POU2F2: variants seen among roughly 807,000 people sequenced by gnomAD.
POU2F2 encodes POU class 2 homeobox 2.
POU2F2 carries 14 observed loss-of-function variants against 63.5 expected under a neutral mutation model. The observed-to-expected ratio is 0.22, with a 90% confidence interval of 0.15 to 0.34. The LOEUF is 0.34. Among genes scored for constraint, POU2F2 ranks in the 10% least tolerant of loss-of-function variants. POU2F2 has a pLI of 1.00. For missense variants in POU2F2, 607 were observed against 815.2 expected (o/e 0.74, Z 3.11); for synonymous variants, 306 against 348.6 (o/e 0.88, Z 1.36).
At chr19:42,171,468 G>A (rs1234099413) in intron 1 of POU2F2, among the ~76,000 whole-genome samples, 1 of 148,900 alleles carries the variant, frequency 6.7e-6, no homozygotes, top group African/African-American at 2.5e-5. Flanking sequence ...GTGTGTGTGT[G>A]TGCACTTTAA....
rs1258309486 is a variant in POU2F2 at position 42,117,187 on chromosome 19, C to A, written c.369+63G>T. The A allele has an allele frequency of 7.9e-7, 1 of 1,272,080 alleles. No individual in the cohort carries two copies. The highest frequency in any genetic ancestry group is 1.6e-5 in the South Asian group (1 of 63,554). The allele number at this position is 1,272,080 out of a possible 1,614,324, so 78.8% of individuals were successfully genotyped here. On this transcript the variant is annotated intron_variant, in intron 5 of 14. Transcript: ENST00000692977. The surrounding 1 kb of genome is among the most constrained non-coding windows in gnomAD (Gnocchi z 4.4). Reference sequence around the variant, plus strand: ...CTTGGTGGAACAGTTCATCCACTAGCCCTGTAACAGATGAGGGGTGGCTGG... The same window carrying A: ...CTTGGTGGAACAGTTCATCCACTAGACCTGTAACAGATGAGGGGTGGCTGG...
intron 1 of POU2F2, among the ~76,000 whole-genome samples, chr19:42,165,854 G>C (rs1445975535): frequency 6.6e-6 from 1 of 152,214 alleles, no homozygotes; most frequent in African/African-American, 2.4e-5. Context: ...GTAAGTGAAG[G>C]TGGTGGGTAG....
intron 2 of POU2F2, among the ~76,000 whole-genome samples, chr19:42,145,965 G>A (rs1290161641): frequency 6.7e-6 from 1 of 150,320 alleles, no homozygotes. Flanking sequence ...CCCAGGAGGT[G>A]GAGCTTGCAA....
chr19:42,103,451 G>A (rs2077216679), intron 5 of POU2F2, among the ~76,000 whole-genome samples: 1 of 152,134 alleles, frequency 6.6e-6, no homozygotes, highest in African/African-American at 2.4e-5. Context: ...CAAATTTTAT[G>A]TAAAGTTGAA....
chr19:42,124,312 A>G (rs2032979259), intron 1 of POU2F2, among the ~76,000 whole-genome samples: 1 of 151,840 alleles, frequency 6.6e-6, no homozygotes, highest in Non-Finnish European at 1.5e-5. Context: ...TCAAAAAAAA[A>G]AAAAAAGAAA....
At chr19:42,149,447 G>A (rs2034297618) in intron 2 of POU2F2, among the ~76,000 whole-genome samples, 1 of 152,108 alleles carries the variant, frequency 6.6e-6, no homozygotes, top group Admixed American at 6.5e-5. Context: ...AGGGATGTGG[G>A]GCGCAGGCAG....
chr19:42,132,468 G>C, upstream of POU2F2: 1 of 1,407,970 alleles, frequency 7.1e-7, no homozygotes, highest in Non-Finnish European at 9.3e-7. Context: ...ACCCTCTCTG[G>C]GGGCCGAGCC....
intron 1 of POU2F2, among the ~76,000 whole-genome samples, chr19:42,193,089 G>A (rs2035091752): frequency 6.6e-6 from 1 of 151,714 alleles, no homozygotes; most frequent in African/African-American, 2.4e-5. Flanking sequence ...AGCCGGGCGT[G>A]GTGGTGGGCG....
intron 2 of POU2F2, among the ~76,000 whole-genome samples, chr19:42,139,038 C>T (rs990161831): frequency 5.3e-5 from 8 of 152,124 alleles, no homozygotes; most frequent in Non-Finnish European, 7.4e-5. Context: ...ACTAACTGGC[C>T]GGGTGTGGTG....
chr19:42,191,180 C>T (rs1211774527), intron 1 of POU2F2, among the ~76,000 whole-genome samples: 1 of 152,100 alleles, frequency 6.6e-6, no homozygotes, highest in Non-Finnish European at 1.5e-5. Flanking sequence ...TTCTTCTCTA[C>T]CCATATGGGT....
chr19:42,179,521 G>C (rs551397061), upstream of POU2F2, among the ~76,000 whole-genome samples: 65 of 152,152 alleles, frequency 4.3e-4, no homozygotes, highest in African/African-American at 1.6e-3. Flanking sequence ...GGGAACAGGA[G>C]GGGGAAGGCA....
intron 2 of POU2F2, among the ~76,000 whole-genome samples, chr19:42,147,030 A>ACT: frequency 6.6e-6 from 1 of 152,284 alleles, no homozygotes; most frequent in East Asian, 1.9e-4. Flanking sequence ...TGTCTCAGAT[A>ACT]GTCTCGTCTC....
upstream of POU2F2, chr19:42,176,067 A>AAG (rs199872233): frequency 1.0e-4 from 14 of 134,778 alleles, no homozygotes; most frequent in Non-Finnish European, 1.6e-4. Context: ...CCTCCAGGAA[A>AAG]AGAGAGAGAG....
At chr19:42,160,810 G>A (rs762715234) in intron 1 of POU2F2, among the ~76,000 whole-genome samples, 12 of 152,156 alleles carry the variant, frequency 7.9e-5, no homozygotes, top group Non-Finnish European at 1.5e-4. Context: ...CTGATTAAAT[G>A]GTGTATCTCA....
chr19:42,128,598 C>T (rs1211116620), intron 1 of POU2F2, among the ~76,000 whole-genome samples: 3 of 152,130 alleles, frequency 2.0e-5, no homozygotes, highest in South Asian at 2.1e-4. Context: ...CCATTTCCAC[C>T]GTGGACTAAA....
intron 1 of POU2F2, among the ~76,000 whole-genome samples, chr19:42,166,901 CAGGTGATATATTGGGCAAGT>C (rs1160723902): frequency 1.6e-4 from 25 of 152,114 alleles, no homozygotes; most frequent in Admixed American, 2.0e-4. Context: ...ATTGGGCAAG[CAGGTGATATATTGGGCAAGT>C]AGGTGATATA....
chr19:42,168,932 T>C (rs1366727331), intron 1 of POU2F2, among the ~76,000 whole-genome samples: 1 of 152,160 alleles, frequency 6.6e-6, no homozygotes, highest in Non-Finnish European at 1.5e-5. Context: ...ACCAGGTGTA[T>C]TTATAACTAA....
At chr19:42,181,366 G>A (rs1023041396) in intron 1 of POU2F2, among the ~76,000 whole-genome samples, 1 of 152,204 alleles carries the variant, frequency 6.6e-6, no homozygotes, top group Non-Finnish European at 1.5e-5. Flanking sequence ...GTGTGTGTGT[G>A]CATGTCTGAG....
chr19:42,191,282 A>G (rs1277595825), intron 1 of POU2F2, among the ~76,000 whole-genome samples: 1 of 152,140 alleles, frequency 6.6e-6, no homozygotes, highest in Non-Finnish European at 1.5e-5. Context: ...AGAAAAAGAA[A>G]GCATTCTGGA....
Sources: gnomAD v4.1 joint callset for allele counts (sites outside exome capture counted in the v4.1 genomes callset) on GRCh38, gnomAD v4.1.1 for gene constraint, Gnocchi (gnomAD v3.1) non-coding constraint, MANE v1.5 for transcripts, NCBI Gene and HGNC (gene_info 2026-07-23, HGNC 2026-07-21) for gene names.